The following CTNNA2 variants were observed in gnomAD, a reference collection of about 807,000 sequenced individuals.
CTNNA2 encodes catenin alpha-2.
CTNNA2 carries 42 observed loss-of-function variants against 101.0 expected under a neutral mutation model. The observed-to-expected ratio is 0.42, with a 90% CI of 0.32 to 0.54. The LOEUF (loss-of-function observed/expected upper bound fraction) is 0.54, where lower values mean the gene tolerates loss of function less well. Among genes scored for constraint, CTNNA2 ranks in the 20% least tolerant of loss-of-function variants. CTNNA2 has a pLI of 0.14. For synonymous variants in CTNNA2, 450 were observed against 456.4 expected, an observed-to-expected ratio of 0.99 and a Z score of 0.18; for missense variants, 871 against 1,223.1, an observed-to-expected ratio of 0.71 and a Z score of 4.29.
chr2:79,419,863 T>A (rs1411089301), intron 4 of CTNNA2, among the ~76,000 whole-genome samples: 2 of 152,200 alleles, frequency 1.3e-5, no homozygotes, highest in Non-Finnish European at 2.9e-5. Flanking sequence ...TTGTCTTATT[T>A]TTCAATTTTG....
chr2:80,456,887 G>A (rs1356131805), intron 9 of CTNNA2, among the ~76,000 whole-genome samples: 4 of 152,146 alleles, frequency 2.6e-5, no homozygotes, highest in African/African-American at 9.7e-5. Flanking sequence ...CAAAAATACA[G>A]TTAGGTAGAA....
At chr2:80,500,267 T>C (rs1348861119) in intron 9 of CTNNA2, among the ~76,000 whole-genome samples, 1 of 152,254 alleles carries the variant, frequency 6.6e-6, no homozygotes, top group Admixed American at 6.5e-5. Flanking sequence ...TTACTCTTTT[T>C]GTTTTGTTCT....
At chr2:79,332,894 T>A (rs1676907747) in intron 3 of CTNNA2, among the ~76,000 whole-genome samples, 1 of 152,064 alleles carries the variant, frequency 6.6e-6, no homozygotes, top group African/African-American at 2.4e-5. Flanking sequence ...TCACTAATGC[T>A]CCAATGGTGT....
intron 9 of CTNNA2, among the ~76,000 whole-genome samples, chr2:80,533,601 G>T (rs903417202): frequency 6.6e-6 from 1 of 152,110 alleles, no homozygotes; most frequent in African/African-American, 2.4e-5. Context: ...AGCACCGGAT[G>T]GTTCAGTGCA....
rs187002297 is a variant in CTNNA2 at position 79,475,995 on chromosome 2, G to A, written c.-134-29059G>A. On this transcript the variant is annotated intron_variant, in intron 4 of 21. Coordinates refer to the CTNNA2 transcript ENST00000466387. Reference sequence around the variant, plus strand: ...AAATGTATTGCTGAATTCAACAACAGCCTAGATTCCTGGAATGATGCCATT... The same window carrying A: ...AAATGTATTGCTGAATTCAACAACAACCTAGATTCCTGGAATGATGCCATT... Among the ~76,000 whole-genome samples, 218 of 152,204 alleles carry A rather than the reference G, an allele frequency of 1.4e-3. 2 individuals carry two copies. The highest frequency in any genetic ancestry group is 0.013 in the South Asian group (61 of 4,824).
chr2:80,581,827 G>C lies in CTNNA2; in HGVS notation c.2007+8G>C, dbSNP rs550207605. Reference sequence around the variant, plus strand: ...GCAGGGCAGAGCGCACGGGTGAGTGGACACCTAAGACTTTGGCTTGGCACA... The same window carrying C: ...GCAGGGCAGAGCGCACGGGTGAGTGCACACCTAAGACTTTGGCTTGGCACA... On this transcript the variant is annotated splice_region_variant and intron_variant, in intron 14 of 18. Transcript: ENST00000402739. 1 of 1,536,620 alleles carries C rather than the reference G, an allele frequency of 6.5e-7. No individual in the cohort carries two copies. Among genetic ancestry groups the C allele is most frequent in the Non-Finnish European group, 9.0e-7 (1 of 1,109,966 alleles).
rs191579040 is a variant in CTNNA2, at chr2:80,216,056, C to T, written c.1057-177155C>T. Reference sequence around the variant, plus strand: ...GAGGCTCCATGGGCATGGGACCCTCCGAGCCAGGCATGGGATATAATCTCC... The same window carrying T: ...GAGGCTCCATGGGCATGGGACCCTCTGAGCCAGGCATGGGATATAATCTCC... On this transcript the variant is annotated intron_variant, in intron 7 of 18. Coordinates refer to ENST00000402739, the MANE Select transcript of CTNNA2 (RefSeq NM_001282597.3). 7.6e-4 allele frequency among the ~76,000 whole-genome samples: 115 copies of T among 152,308 alleles called. No individual in the cohort carries two copies. The South Asian group carries it at 0.02, about 26-fold the overall frequency.
chr2:79,601,105 T>C (rs1677527011), intron 1 of CTNNA2, among the ~76,000 whole-genome samples: 1 of 152,182 alleles, frequency 6.6e-6, no homozygotes, highest in African/African-American at 2.4e-5. Flanking sequence ...AGAGAAAGAA[T>C]AGTTCACATT....
chr2:79,543,231 A>T (rs977663872), intron 1 of CTNNA2, among the ~76,000 whole-genome samples: 2 of 152,186 alleles, frequency 1.3e-5, no homozygotes, highest in African/African-American at 4.8e-5. Flanking sequence ...GTTTGGTAAA[A>T]TATTTGTAAA....
At chr2:79,925,731 C>T (rs776532521) in intron 7 of CTNNA2, among the ~76,000 whole-genome samples, 43 of 152,080 alleles carry the variant, frequency 2.8e-4, no homozygotes, top group Non-Finnish European at 5.6e-4. Context: ...CCCTCTGTCC[C>T]CCAGATCTGT....
chr2:79,783,708 C>A (rs534738019), intron 3 of CTNNA2, among the ~76,000 whole-genome samples: 1 of 152,252 alleles, frequency 6.6e-6, no homozygotes, highest in South Asian at 2.1e-4. Flanking sequence ...TTCTCCATGT[C>A]TTCCCTGCCA....
Position 79,455,992 on chromosome 2 carries a change from A to C in CTNNA2, c.-134-49062A>C, listed in dbSNP as rs79053479. Among the ~76,000 whole-genome samples, 155 of 152,236 alleles carry C rather than the reference A, an allele frequency of 1.0e-3. 5 individuals are homozygous for C. In the East Asian group the frequency reaches 0.025, roughly 24 times the overall value. On this transcript the variant is annotated intron_variant, in intron 4 of 21. Coordinates refer to the CTNNA2 transcript ENST00000466387. The stretch of plus-strand genomic sequence containing the variant: ...AGTATCCAGGTAAGAATCTTAATAA[A>C]GATTCTTAAAGCCATTTGATTTATA...
chr2:80,456,146 A>G (rs1412020917), intron 9 of CTNNA2, among the ~76,000 whole-genome samples: 7 of 152,174 alleles, frequency 4.6e-5, no homozygotes, highest in African/African-American at 1.7e-4. Flanking sequence ...CATCTCCTTC[A>G]GTTACTGGTC....
intron 1 of CTNNA2, among the ~76,000 whole-genome samples, chr2:79,631,063 A>AT (rs564772867): frequency 0.016 from 2,355 of 147,524 alleles, 55 homozygotes; most frequent in African/African-American, 0.051. Flanking sequence ...CCCCTGGCAG[A>AT]TTTTTTTTTT....
At chr2:79,708,149 T>C (rs945997504) in intron 2 of CTNNA2, among the ~76,000 whole-genome samples, 3 of 152,222 alleles carry the variant, frequency 2.0e-5, no homozygotes, top group Non-Finnish European at 4.4e-5. Context: ...AGTTACATTA[T>C]GCCATTTGAT....
chr2:79,540,625 T>C (rs901230450), intron 1 of CTNNA2, among the ~76,000 whole-genome samples: 7 of 152,210 alleles, frequency 4.6e-5, no homozygotes, highest in African/African-American at 1.2e-4. Flanking sequence ...ATTGTTTTAG[T>C]TGATTCACAG....
chr2:79,865,003 G>T (rs1681923386), intron 4 of CTNNA2, among the ~76,000 whole-genome samples: 1 of 152,082 alleles, frequency 6.6e-6, no homozygotes, highest in Non-Finnish European at 1.5e-5. Context: ...AATGACACTG[G>T]TGTCATTTTT....
chr2:79,660,830 T>C (rs1174358153), intron 2 of CTNNA2, among the ~76,000 whole-genome samples: 2 of 151,798 alleles, frequency 1.3e-5, no homozygotes, highest in East Asian at 3.9e-4. Context: ...CCTTTTAAAA[T>C]AAGGAAAAAA....
At chr2:79,859,524 G>A (rs1321956698) in intron 4 of CTNNA2, among the ~76,000 whole-genome samples, 1 of 152,204 alleles carries the variant, frequency 6.6e-6, no homozygotes, top group East Asian at 1.9e-4. Context: ...CCTGAGCTCC[G>A]AGGTCATAAA....
Sources: allele counts gnomAD v4.1 joint callset (sites outside exome capture counted in the v4.1 genomes callset), GRCh38; gene constraint gnomAD v4.1.1; transcripts MANE v1.5; gene names NCBI Gene and HGNC (gene_info 2026-07-23, HGNC 2026-07-21).